The following SYN3 variants were observed in gnomAD, a reference collection of about 807,000 sequenced individuals.
The protein encoded by SYN3 is synapsin-3.
A neutral mutation model predicts 65.8 loss-of-function variants in SYN3; 35 were observed. The ratio of observed to expected loss-of-function variants is 0.53; its 90% CI spans 0.41 to 0.70. The LOEUF (loss-of-function observed/expected upper bound fraction) is 0.70. Among genes scored for constraint, SYN3 ranks in the 30% least tolerant of loss-of-function variants. The pLI, the probability that SYN3 is intolerant of heterozygous loss-of-function variation, is 0.00. For synonymous variants in SYN3, 270 were observed against 292.9 expected (o/e 0.92, Z 0.80); for missense variants, 680 against 749.0 (o/e 0.91, Z 1.08).
chr22:32,616,615 T>C (rs1467506948), intron 6 of SYN3, among the ~76,000 whole-genome samples: 1 of 151,822 alleles, frequency 6.6e-6, no homozygotes, highest in Non-Finnish European at 1.5e-5. Flanking sequence ...CCAGAATCCA[T>C]GCTTGGGGAC....
chr22:32,546,513 G>A (rs1265060188), intron 7 of SYN3, among the ~76,000 whole-genome samples: 1 of 152,054 alleles, frequency 6.6e-6, no homozygotes, highest in African/African-American at 2.4e-5. Context: ...CCAGGATTCT[G>A]GCGAAGAGGG....
intron 4 of SYN3, 169 bp downstream of exon 4, chr22:32,931,221 T>C (rs1450497215): frequency 8.7e-6 from 5 of 573,962 alleles, no homozygotes; most frequent in Non-Finnish European, 1.6e-5. Flanking sequence ...ACGTATGATA[T>C]GTGCCGCTGG....
At chr22:32,887,390 A>C in intron 4 of SYN3, among the ~76,000 whole-genome samples, 1 of 152,140 alleles carries the variant, frequency 6.6e-6, no homozygotes, top group Admixed American at 6.5e-5. Flanking sequence ...AAGAAAAAAA[A>C]AAAAGAACTG....
intron 6 of SYN3, among the ~76,000 whole-genome samples, chr22:32,820,031 G>T (rs2047191585): frequency 6.6e-6 from 1 of 152,062 alleles, no homozygotes; most frequent in Admixed American, 6.5e-5. Context: ...GGGATTTTTT[G>T]GTGTGGGGGG....
chr22:32,690,135 C>A (rs1272669927), intron 6 of SYN3, among the ~76,000 whole-genome samples: 1 of 152,102 alleles, frequency 6.6e-6, no homozygotes, highest in Non-Finnish European at 1.5e-5. Context: ...GAGATCGTGC[C>A]ACTGCACTCC....
In SYN3 at chr22:32,994,008, A is replaced by G. The variant is rs540226136; in HGVS notation, c.311+12344T>C. On this transcript the variant is annotated intron_variant, in intron 2 of 13. Transcript: ENST00000358763. ...CTAAGACTCCACTAGGGCGGGGGTA[A>G]CAACTCTTCACTGTTCCCCCCTCCT... Among the ~76,000 whole-genome samples, 6 of 152,168 alleles carry G rather than the reference A, an allele frequency of 3.9e-5. No homozygotes were observed. The East Asian group carries it at 1.2e-3, about 29-fold the overall frequency.
Position 32,604,300 on chromosome 22 carries a change from G to C in SYN3, c.712-7564C>G, listed in dbSNP as rs566387478. ...GCTGGCCTCCATTTCCTGCCTCCAA[G>C]GCTCTGCCTGATCCAGCTCTCCCCC... On this transcript the variant is annotated intron_variant, in intron 6 of 13. Transcript: ENST00000358763. Among the ~76,000 whole-genome samples, 35 of 152,336 alleles carry C rather than the reference G, an allele frequency of 2.3e-4. No homozygotes were observed. The South Asian group carries it at 7.1e-3, about 31-fold the overall frequency.
intron 2 of SYN3, among the ~76,000 whole-genome samples, chr22:33,004,043 T>C (rs575080724): frequency 2.0e-5 from 3 of 152,354 alleles, no homozygotes; most frequent in Admixed American, 1.3e-4. Flanking sequence ...GCCCTGCGGA[T>C]GCACAGAAGT....
chr22:32,893,789 G>C (rs1402996098), intron 4 of SYN3, among the ~76,000 whole-genome samples: 1 of 152,056 alleles, frequency 6.6e-6, no homozygotes, highest in Non-Finnish European at 1.5e-5. Flanking sequence ...TCTTCGCAAA[G>C]AAAGCCTTCT....
rs117269904 is a variant in SYN3 at position 32,850,073 on chromosome 22, A to G, written c.711+14842T>C. Among the ~76,000 whole-genome samples the G allele has an allele frequency of 2.8e-3, 423 of 149,748 alleles. 1 individual carries two copies. Among genetic ancestry groups the G allele is most frequent in the Middle Eastern group, 6.8e-3 (2 of 292 alleles). On this transcript the variant is annotated intron_variant, in intron 6 of 13. Coordinates refer to ENST00000358763, the MANE Select transcript of SYN3 (RefSeq NM_003490.4). ...GGCAGGAACTTCACCTTCTTTCCCTATTTTCCCAGCTGATTGTCTTCTTGC... is the reference window on the plus strand; with the variant it reads ...GGCAGGAACTTCACCTTCTTTCCCTGTTTTCCCAGCTGATTGTCTTCTTGC...
intron 6 of SYN3, among the ~76,000 whole-genome samples, chr22:32,652,954 G>A (rs1422426911): frequency 3.9e-5 from 6 of 152,180 alleles, no homozygotes; most frequent in Admixed American, 3.9e-4. Context: ...AGAATTTAAT[G>A]TTCAGAATCA....
intron 11 of SYN3, 122 bp downstream of exon 11, chr22:32,528,752 T>A: frequency 7.2e-7 from 1 of 1,393,328 alleles, no homozygotes; most frequent in South Asian, 1.4e-5. Flanking sequence ...CACACCCCCA[T>A]TCCTTCTCCC....
intron 6 of SYN3, among the ~76,000 whole-genome samples, chr22:32,603,766 A>G (rs2059322329): frequency 6.6e-6 from 1 of 152,020 alleles, no homozygotes; most frequent in Non-Finnish European, 1.5e-5. Flanking sequence ...CTTCCCAACA[A>G]TAGCTTTATT....
At chr22:32,661,908 T>C (rs886878511) in intron 6 of SYN3, among the ~76,000 whole-genome samples, 3 of 152,226 alleles carry the variant, frequency 2.0e-5, no homozygotes. Context: ...AGTGACTGAC[T>C]TTTCTTAGCC....
intron 3 of SYN3, among the ~76,000 whole-genome samples, chr22:32,974,644 T>TTGTG (rs150999284): frequency 4.0e-5 from 6 of 150,598 alleles, no homozygotes; most frequent in South Asian, 2.1e-4. Context: ...CTCACTAGCA[T>TTGTG]TGTGTGTGTG....
chr22:32,834,221 C>T (rs1257873561), intron 6 of SYN3, among the ~76,000 whole-genome samples: 2 of 151,954 alleles, frequency 1.3e-5, no homozygotes, highest in African/African-American at 4.8e-5. Flanking sequence ...GGCACGATCT[C>T]GGCTCACTGC....
chr22:32,965,884 C>T (rs241765), intron 3 of SYN3, among the ~76,000 whole-genome samples: 58,114 of 151,826 alleles, frequency 0.38, 12,451 homozygotes, highest in East Asian at 0.74. Flanking sequence ...TTAGTAGAGA[C>T]GGGGTTTCGC....
intron 6 of SYN3, among the ~76,000 whole-genome samples, chr22:32,753,369 T>G (rs1321025196): frequency 2.0e-5 from 3 of 152,154 alleles, no homozygotes; most frequent in Non-Finnish European, 4.4e-5. Context: ...TGACTCAGGC[T>G]GTCTCTAGAG....
chr22:32,536,694 CCTT>C (rs1356031829), intron 9 of SYN3, among the ~76,000 whole-genome samples: 6 of 152,312 alleles, frequency 3.9e-5, no homozygotes, highest in Admixed American at 3.3e-4. Context: ...CAGAAGTTTT[CCTT>C]CTTTTGAACC....
Sources: gnomAD v4.1 joint callset for allele counts (sites outside exome capture counted in the v4.1 genomes callset) on GRCh38, gnomAD v4.1.1 for gene constraint, MANE v1.5 for transcripts, NCBI Gene and HGNC (gene_info 2026-07-23, HGNC 2026-07-21) for gene names.